The following APOL5 variants were observed in gnomAD, a reference collection of about 807,000 sequenced individuals.
APOL5 encodes the protein apolipoprotein L, 5.
APOL5 carries 29 observed loss-of-function variants against 35.5 expected under a neutral mutation model. The observed-to-expected ratio is 0.82, with a 90% CI of 0.61 to 1.11. APOL5 has a LOEUF of 1.11. APOL5 is among the 50% of genes most tolerant of loss of function. The pLI is 0.00. For synonymous variants in APOL5, 188 were observed against 200.2 expected (o/e 0.94, Z 0.51); for missense variants, 514 against 530.4 (o/e 0.97, Z 0.30).
chr22:35,708,435 A>G, the APOL5 span, among the ~76,000 whole-genome samples: 16 of 152,186 alleles, frequency 1.1e-4, no homozygotes, highest in African/African-American at 3.4e-4. Context: ...AAGAAAAAAA[A>G]AAAAGAAAAA....
intron 3 of APOL5, among the ~76,000 whole-genome samples, chr22:35,727,500 A>G (rs1411584515): frequency 1.3e-5 from 2 of 152,138 alleles, no homozygotes; most frequent in Non-Finnish European, 2.9e-5. Flanking sequence ...GCAGGGAAGG[A>G]TAATTTGGCG....
upstream of APOL5, among the ~76,000 whole-genome samples, chr22:35,713,486 T>A (rs577814056): frequency 2.0e-5 from 3 of 152,248 alleles, no homozygotes; most frequent in Admixed American, 2.0e-4. Context: ...TCAGTGCTCT[T>A]CTCCCCTCTA....
chr22:35,728,873 A>G lies in APOL5; in HGVS notation c.1277A>G (p.Gln426Arg). 6.2e-7 allele frequency: 1 copy of G among 1,608,152 alleles called. No homozygotes were observed. The highest frequency in any genetic ancestry group is 1.1e-5 in the South Asian group (1 of 89,836). ...CCAGCACCAGCAAGAAAGGGGAGAC[A>G]GGCCCCGGGAAGACACCGACAATGA... is the stretch of plus-strand genomic sequence containing the variant. ...APPAPARKGRQAPGRHRQ is the reference protein window; with the variant it reads ...APPAPARKGRRAPGRHRQ The change falls in exon 4 of 5, where the codon CAG (glutamine) becomes CGG (arginine). Residue 426 changes from glutamine (Q) to arginine (R), a missense_variant. Around this residue, in one of 3 missense-constraint regions of APOL5, gnomAD observed 238 missense variants for 229.1 expected, o/e 1.04. Transcript: ENST00000249044.
chr22:35,715,781 C>G (rs8136429), upstream of APOL5, among the ~76,000 whole-genome samples: 108,325 of 151,652 alleles, frequency 0.71, 39,297 homozygotes, highest in African/African-American at 0.83. Flanking sequence ...GCGCAGATAA[C>G]ACACATCTCT....
At chr22:35,716,380 C>T (rs1490047971), upstream of APOL5, among the ~76,000 whole-genome samples, 1 of 152,192 alleles carries the variant, frequency 6.6e-6, no homozygotes, top group African/African-American at 2.4e-5. Flanking sequence ...TCAAGAGATT[C>T]TCCTGCCTCA....
At chr22:35,721,188 T>C (rs1926959773) in intron 2 of APOL5, among the ~76,000 whole-genome samples, 1 of 152,126 alleles carries the variant, frequency 6.6e-6, no homozygotes, top group Admixed American at 6.6e-5. Flanking sequence ...CAATTGGAGA[T>C]ATGCAAAAAA....
intron 2 of APOL5, 84 bp downstream of exon 2, chr22:35,720,738 G>A (rs1926943325): frequency 5.1e-6 from 5 of 984,840 alleles, no homozygotes; most frequent in Non-Finnish European, 7.7e-6. Flanking sequence ...AGCACTCAAT[G>A]AGTATTTGGG....
At chr22:35,727,944 C>T (rs1005472436) in intron 3 of APOL5, among the ~76,000 whole-genome samples, 2 of 152,184 alleles carry the variant, frequency 1.3e-5, no homozygotes, top group Non-Finnish European at 2.9e-5. Context: ...TAGAATGACG[C>T]GGTAGCAAGG....
chr22:35,726,411 C>T lies in APOL5; in HGVS notation c.343C>T (p.Gln115Ter), dbSNP rs773594378. ...TCCTTTGCACAAGTTTGAGCTAGAA[C>T]AGAACATCAAAGAACTTAACACCCT... ...YFPLHKFELE[Q>*]NIKELNTLAD... Residue 115 changes from glutamine (Q) to a stop codon, truncating the protein, a stop_gained, in exon 3 of 5, where the codon CAG becomes TAG. Transcript: ENST00000249044. LOFTEE classifies it high-confidence loss of function. The T allele has an allele frequency of 1.7e-5, 27 of 1,614,022 alleles. No individual in the cohort carries two copies. Among genetic ancestry groups the T allele is most frequent in the Non-Finnish European group, 2.3e-5 (27 of 1,180,052 alleles).
chr22:35,717,287 C>T (rs1268559856), upstream of APOL5, among the ~76,000 whole-genome samples: 2 of 140,600 alleles, frequency 1.4e-5, no homozygotes, highest in African/African-American at 5.3e-5. Flanking sequence ...ACCTGTAGTC[C>T]CCGCCACTTG....
At chr22:35,717,067 G>T (rs1230242386), upstream of APOL5, among the ~76,000 whole-genome samples, 1 of 151,112 alleles carries the variant, frequency 6.6e-6, no homozygotes, top group Non-Finnish European at 1.5e-5. Flanking sequence ...TGAGTGTCAG[G>T]CACATGTACT....
upstream of APOL5, among the ~76,000 whole-genome samples, chr22:35,713,588 G>A (rs5999967): frequency 2.0e-5 from 3 of 152,014 alleles, no homozygotes; most frequent in Non-Finnish European, 2.9e-5. Flanking sequence ...GCCACTCATC[G>A]CCTCTCTGAA....
chr22:35,724,339 G>T (rs1438266311), intron 2 of APOL5, among the ~76,000 whole-genome samples: 8 of 148,622 alleles, frequency 5.4e-5, no homozygotes, highest in African/African-American at 2.0e-4. Context: ...GATGTCCCAG[G>T]TTCCCTGCCC....
chr22:35,714,019 A>G (rs553656902), upstream of APOL5, among the ~76,000 whole-genome samples: 1 of 152,266 alleles, frequency 6.6e-6, no homozygotes, highest in East Asian at 1.9e-4. Context: ...TCAGAATACA[A>G]CATCTGTGTT....
chr22:35,720,447 C>CTAACTTTTTT, intron 1 of APOL5, 121 bp from the exon 2 acceptor site: 1 of 615,410 alleles, frequency 1.6e-6, no homozygotes, highest in Non-Finnish European at 2.6e-6. Context: ...TTGTTGTATT[C>CTAACTTTTTT]TTTTTTTTTT....
chr22:35,719,127 C>T (rs1046665559), intron 1 of APOL5, among the ~76,000 whole-genome samples: 10 of 151,500 alleles, frequency 6.6e-5, no homozygotes, highest in Admixed American at 1.3e-4. Flanking sequence ...AAAAGCCATG[C>T]GAAAAATAAT....
At chr22:35,710,398 T>A in the APOL5 span, among the ~76,000 whole-genome samples, 1 of 151,648 alleles carries the variant, frequency 6.6e-6, no homozygotes, top group Non-Finnish European at 1.5e-5. Context: ...CGCCTTGGCC[T>A]CTTGAAGTGT....
upstream of APOL5, among the ~76,000 whole-genome samples, chr22:35,717,454 T>C (rs1020337674): frequency 1.4e-5 from 2 of 144,414 alleles, no homozygotes; most frequent in African/African-American, 5.1e-5. Context: ...CCAAAAGCCA[T>C]AGCAGCTGAG....
chr22:35,726,623 A>G lies in APOL5; in HGVS notation c.555A>G (p.Ile185Met). Residue 185 changes from isoleucine to methionine, a missense_variant, in exon 3 of 5, where the codon ATA (isoleucine) becomes ATG (methionine). By Grantham distance (10) the Ile-to-Met change is conservative (BLOSUM62 1). Transcript: ENST00000249044. ...GGGCAGCAGCTGCCATCACCAACATAGTAACAAATGTCTTAGAAAATAGAA... is the reference window on the plus strand; with the variant it reads ...GGGCAGCAGCTGCCATCACCAACATGGTAACAAATGTCTTAGAAAATAGAA... ...GLGAAAAITN[I>M]VTNVLENRSN... 1.2e-6 allele frequency: 2 copies of G among 1,614,234 alleles called. No individual in the cohort carries two copies. The highest frequency in any genetic ancestry group is 1.1e-5 in the South Asian group (1 of 91,086).
Sources: allele counts gnomAD v4.1 joint callset (sites outside exome capture counted in the v4.1 genomes callset), GRCh38; gene constraint gnomAD v4.1.1; regional missense constraint gnomAD v4.1.1; transcripts MANE v1.5; gene names NCBI Gene and HGNC (gene_info 2026-07-23, HGNC 2026-07-21).